Variants in TSPAN13 observed in about 807,000 individuals in gnomAD.
TSPAN13 encodes the protein tetraspanin 13, also known as tetraspanin-13.
TSPAN13 carries 18 observed loss-of-function variants against 26.9 expected under a neutral mutation model. The ratio of observed to expected loss-of-function variants is 0.67; its 90% CI spans 0.46 to 0.99. The LOEUF is 0.99. Ranked by LOEUF, TSPAN13 falls within the 50% of genes least tolerant of loss-of-function variation. The pLI is 0.00. For missense variants in TSPAN13, 201 were observed against 249.6 expected, an observed-to-expected ratio of 0.81 and a Z score of 1.31; for synonymous variants, 116 against 98.4, an observed-to-expected ratio of 1.18 and a Z score of -1.06.
intron 1 of TSPAN13, among the ~76,000 whole-genome samples, chr7:16,772,998 AAAAAT>A (rs1046607757): frequency 2.0e-5 from 3 of 152,112 alleles, no homozygotes; most frequent in Non-Finnish European, 2.9e-5. Flanking sequence ...TCTGTCTCCA[AAAAAT>A]AAAATAAAAT....
chr7:16,756,302 A>G (rs1784480644), intron 1 of TSPAN13, among the ~76,000 whole-genome samples: 2 of 152,236 alleles, frequency 1.3e-5, no homozygotes, highest in African/African-American at 4.8e-5. Context: ...CATTCTTTGT[A>G]GGTTCTAATC....
Position 16,777,903 on chromosome 7 carries a change from T to C in TSPAN13, c.418T>C (p.Cys140Arg). 2 of 1,611,308 alleles carry C rather than the reference T, an allele frequency of 1.2e-6. No homozygotes were observed. Among genetic ancestry groups the C allele is most frequent in the Non-Finnish European group, 1.7e-6 (2 of 1,177,904 alleles). The change falls in exon 4 of 6, where the codon TGT (cysteine) becomes CGT (arginine). Residue 140 changes from cysteine to arginine, a missense_variant. Transcript: ENST00000262067. ...CCGAAGTGTTAACCCAAATGACACC[T>C]GTCTGGCTGTAAGTACATTGTATAA... Reference protein sequence around the residue: ...GFRSVNPNDTCLASCVKSDHS... With the variant: ...GFRSVNPNDTRLASCVKSDHS...
rs549953727 is a variant in TSPAN13, at chr7:16,769,014, C to T, written c.64-7197C>T. Among the ~76,000 whole-genome samples the T allele has an allele frequency of 8.6e-5, 13 of 151,980 alleles. No individual in the cohort carries two copies. In the East Asian group the frequency reaches 9.7e-4, roughly 11 times the overall value. ...CTGATTTTTGTATTTCTAGTAGAGA[C>T]AGGGTTTCACTATGTTGGCCAGGCT... On this transcript the variant is annotated intron_variant, in intron 1 of 5. Coordinates refer to ENST00000262067, the MANE Select transcript of TSPAN13 (RefSeq NM_014399.4).
intron 1 of TSPAN13, among the ~76,000 whole-genome samples, chr7:16,761,552 T>C (rs2115323433): frequency 6.6e-6 from 1 of 152,230 alleles, no homozygotes; most frequent in Non-Finnish European, 1.5e-5. Flanking sequence ...AGGGTCTCAC[T>C]CTGTCACTAA....
chr7:16,770,499 C>G (rs1037529229), intron 1 of TSPAN13, among the ~76,000 whole-genome samples: 1 of 152,196 alleles, frequency 6.6e-6, no homozygotes, highest in Admixed American at 6.5e-5. Context: ...CGTGAGCCAC[C>G]GCGCCCAGCC....
intron 4 of TSPAN13, 71 bp from the exon 5 acceptor site, chr7:16,778,932 T>C: frequency 5.4e-6 from 6 of 1,107,604 alleles, no homozygotes; most frequent in Admixed American, 2.5e-5. Flanking sequence ...TAATTTTGTG[T>C]GTATGCAGTT....
rs1242391807 is a variant in TSPAN13 at position 16,761,345 on chromosome 7, A to G, written c.63+7315A>G. Among the ~76,000 whole-genome samples the G allele has an allele frequency of 2.6e-5, 4 of 152,346 alleles. No individual in the cohort carries two copies. In the East Asian group the frequency reaches 7.7e-4, roughly 29 times the overall value. On this transcript the variant is annotated intron_variant, in intron 1 of 5. Transcript: ENST00000262067. Reference sequence around the variant, plus strand: ...CTATTTAGCAAAATGTAGATTATTTATAGAGTTTTCATATTTCCATCCAGC... The same window carrying G: ...CTATTTAGCAAAATGTAGATTATTTGTAGAGTTTTCATATTTCCATCCAGC...
intron 1 of TSPAN13, among the ~76,000 whole-genome samples, chr7:16,770,811 G>A (rs1784666031): frequency 6.6e-6 from 1 of 152,108 alleles, no homozygotes; most frequent in African/African-American, 2.4e-5. Context: ...GCTTTTATTT[G>A]AATTGTTTGT....
intron 5 of TSPAN13, among the ~76,000 whole-genome samples, chr7:16,780,394 C>T (rs1422613993): frequency 6.6e-6 from 1 of 152,154 alleles, no homozygotes; most frequent in Admixed American, 6.5e-5. Context: ...GTCATTGCAC[C>T]TGGCCCAATA....
intron 5 of TSPAN13, among the ~76,000 whole-genome samples, chr7:16,781,726 A>G (rs1334920696): frequency 6.6e-6 from 1 of 152,184 alleles, no homozygotes; most frequent in African/African-American, 2.4e-5. Context: ...GTGATAGTCA[A>G]AATGTTAACA....
At chr7:16,770,869 C>T (rs1197551346) in intron 1 of TSPAN13, among the ~76,000 whole-genome samples, 1 of 152,190 alleles carries the variant, frequency 6.6e-6, no homozygotes, top group East Asian at 1.9e-4. Context: ...AGACTGCAAG[C>T]ATGGGCATGA....
chr7:16,764,320 C>T (rs1784582796), intron 1 of TSPAN13, among the ~76,000 whole-genome samples: 1 of 152,078 alleles, frequency 6.6e-6, no homozygotes, highest in Non-Finnish European at 1.5e-5. Flanking sequence ...AGCCACCGCG[C>T]CTGGCTCTCT....
At chr7:16,775,199 C>T (rs1320736687) in intron 1 of TSPAN13, among the ~76,000 whole-genome samples, 1 of 152,112 alleles carries the variant, frequency 6.6e-6, no homozygotes, top group East Asian at 1.9e-4. Context: ...AACAACCTGT[C>T]CCCCACTCCT....
intron 1 of TSPAN13, among the ~76,000 whole-genome samples, chr7:16,768,742 A>C (rs1433684879): frequency 1.3e-5 from 2 of 152,324 alleles, no homozygotes; most frequent in Middle Eastern, 6.8e-3. Flanking sequence ...TCACAAGGCT[A>C]CTTATTAAAG....
intron 2 of TSPAN13, 65 bp from the exon 3 acceptor site, chr7:16,776,977 C>T (rs1170087817): frequency 8.8e-7 from 1 of 1,134,500 alleles, no homozygotes. Flanking sequence ...TTGTCAGTAC[C>T]TCTGTACCTC....
At chr7:16,765,452 C>A (rs1315741375) in intron 1 of TSPAN13, among the ~76,000 whole-genome samples, 1 of 152,110 alleles carries the variant, frequency 6.6e-6, no homozygotes, top group African/African-American at 2.4e-5. Context: ...CTGTTTATTC[C>A]CCCTTCAGTA....
intron 5 of TSPAN13, among the ~76,000 whole-genome samples, chr7:16,782,429 G>A (rs7809828): frequency 0.077 from 11,775 of 152,238 alleles, 704 homozygotes; most frequent in African/African-American, 0.17. Context: ...GTTGGCACAC[G>A]TATAAAGTGG....
At chr7:16,777,239 T>C (rs1784761550) in intron 3 of TSPAN13, 117 bp downstream of exon 3, 2 of 697,860 alleles carry the variant, frequency 2.9e-6, no homozygotes, top group Non-Finnish European at 4.8e-6. Context: ...CCACCTTCAC[T>C]CTGGATAGCA....
At chr7:16,769,807 T>C (rs528207288) in intron 1 of TSPAN13, among the ~76,000 whole-genome samples, 2 of 152,304 alleles carry the variant, frequency 1.3e-5, no homozygotes, top group East Asian at 3.9e-4. Flanking sequence ...ATAGATGTGG[T>C]GAAAGTCCAC....
Sources: gnomAD v4.1 joint callset for allele counts (sites outside exome capture counted in the v4.1 genomes callset) on GRCh38, gnomAD v4.1.1 for gene constraint, MANE v1.5 for transcripts, NCBI Gene and HGNC (gene_info 2026-07-23, HGNC 2026-07-21) for gene names.